PAK5: variants seen among roughly 807,000 people sequenced by gnomAD.
PAK5 encodes the protein serine/threonine-protein kinase PAK 5.
A neutral mutation model predicts 65.9 loss-of-function variants in PAK5; 16 were observed. The ratio of observed to expected loss-of-function variants is 0.24; its 90% confidence interval spans 0.16 to 0.37. The LOEUF is 0.37. Ranked by LOEUF, PAK5 falls within the 10% of genes least tolerant of loss-of-function variation. The pLI, the probability that PAK5 is intolerant of heterozygous loss-of-function variation, is 1.00. For synonymous variants in PAK5, 371 were observed against 354.9 expected (o/e 1.05, Z -0.51); for missense variants, 785 against 903.9 (o/e 0.87, Z 1.69).
At chr20:9,694,481 C>T (rs2123443183) in intron 2 of PAK5, among the ~76,000 whole-genome samples, 1 of 152,046 alleles carries the variant, frequency 6.6e-6, no homozygotes, top group South Asian at 2.1e-4. Context: ...CGACTTTTCA[C>T]AAAGGGAACA....
intron 1 of PAK5, among the ~76,000 whole-genome samples, chr20:9,787,975 G>C (rs1351229990): frequency 1.4e-5 from 1 of 73,440 alleles, no homozygotes; most frequent in East Asian, 3.9e-4. Flanking sequence ...CCATGTGTCT[G>C]TGTGTGTTGG....
chr20:9,580,024 A>C (rs373397166), intron 4 of PAK5, 121 bp downstream of exon 4: 2 of 837,148 alleles, frequency 2.4e-6, no homozygotes, highest in African/African-American at 1.7e-5. Flanking sequence ...GGGTTTTGAT[A>C]TTGATTTTCC....
At chr20:9,748,418 T>A (rs538092596) in intron 1 of PAK5, among the ~76,000 whole-genome samples, 2 of 152,080 alleles carry the variant, frequency 1.3e-5, no homozygotes, top group African/African-American at 4.8e-5. Flanking sequence ...GGAGGCATCA[T>A]GCTACCTGAC....
chr20:9,818,413 C>T (rs948396496), intron 1 of PAK5, among the ~76,000 whole-genome samples: 1 of 152,164 alleles, frequency 6.6e-6, no homozygotes, highest in Non-Finnish European at 1.5e-5. Flanking sequence ...AATCTCATTG[C>T]TCGGTCCCTC....
chr20:9,558,491 T>C (rs1344798126), intron 6 of PAK5, among the ~76,000 whole-genome samples: 3 of 152,258 alleles, frequency 2.0e-5, no homozygotes, highest in South Asian at 2.1e-4. Context: ...ACTGAATAGG[T>C]AGATGAAGGT....
intron 3 of PAK5, among the ~76,000 whole-genome samples, chr20:9,603,981 A>G (rs1463297795): frequency 6.6e-6 from 1 of 152,222 alleles, no homozygotes; most frequent in African/African-American, 2.4e-5. Context: ...TTTCAAATTT[A>G]ATCCGCTAAA....
intron 3 of PAK5, among the ~76,000 whole-genome samples, chr20:9,585,268 A>G (rs2046049169): frequency 6.6e-6 from 1 of 152,120 alleles, no homozygotes; most frequent in South Asian, 2.1e-4. Context: ...CCAGCATCTT[A>G]ATTTTGGAAA....
At chr20:9,582,728 C>T (rs936928608) in intron 3 of PAK5, among the ~76,000 whole-genome samples, 2 of 152,050 alleles carry the variant, frequency 1.3e-5, no homozygotes, top group African/African-American at 4.8e-5. Flanking sequence ...AGTTGGAATT[C>T]TTCTGCACAG....
chr20:9,751,267 C>T (rs987710783), intron 1 of PAK5, among the ~76,000 whole-genome samples: 6 of 152,058 alleles, frequency 3.9e-5, no homozygotes, highest in East Asian at 1.9e-4. Flanking sequence ...CTTTCCATCT[C>T]GGGAGAGGCT....
At chr20:9,835,892 T>C (rs1979111929) in intron 1 of PAK5, among the ~76,000 whole-genome samples, 1 of 152,182 alleles carries the variant, frequency 6.6e-6, no homozygotes. Flanking sequence ...TTGCTATTAT[T>C]GTTTTTGTTA....
intron 3 of PAK5, among the ~76,000 whole-genome samples, chr20:9,618,937 T>G (rs2046719996): frequency 1.6e-5 from 2 of 123,654 alleles, no homozygotes; most frequent in Non-Finnish European, 3.4e-5. Flanking sequence ...TTTTTTTTTT[T>G]TTTTTTTTTT....
chr20:9,761,589 C>G (rs953860839), intron 1 of PAK5, among the ~76,000 whole-genome samples: 1 of 151,954 alleles, frequency 6.6e-6, no homozygotes, highest in Non-Finnish European at 1.5e-5. Flanking sequence ...ATAGCCAAAC[C>G]GATTTTGAGC....
chr20:9,740,232 G>A (rs761579642), intron 1 of PAK5, among the ~76,000 whole-genome samples: 13 of 152,150 alleles, frequency 8.5e-5, no homozygotes, highest in African/African-American at 2.4e-4. Context: ...TCGCACAACC[G>A]AAGGATTAGA....
In PAK5 at chr20:9,692,984, T is replaced by C. The variant is rs533634673; in HGVS notation, c.-12+18302A>G. 9.8e-5 allele frequency among the ~76,000 whole-genome samples: 15 copies of C among 152,294 alleles called. No individual in the cohort carries two copies. The South Asian group carries it at 3.1e-3, about 32-fold the overall frequency. On this transcript the variant is annotated intron_variant, in intron 2 of 9. Coordinates refer to ENST00000353224, the MANE Select transcript of PAK5 (RefSeq NM_177990.4). Reference sequence around the variant, plus strand: ...AAAGAATTAAATAAAATAAAGTATATAAAGTGACTGCCACAGTAGCAATGC... The same window carrying C: ...AAAGAATTAAATAAAATAAAGTATACAAAGTGACTGCCACAGTAGCAATGC...
chr20:9,568,966 C>A (rs978415302), intron 4 of PAK5, among the ~76,000 whole-genome samples: 1 of 152,190 alleles, frequency 6.6e-6, no homozygotes, highest in Non-Finnish European at 1.5e-5. Flanking sequence ...GAGGTGGATC[C>A]TCCAGGTCCA....
chr20:9,569,602 G>T (rs2123017059), intron 4 of PAK5, among the ~76,000 whole-genome samples: 1 of 152,344 alleles, frequency 6.6e-6, no homozygotes, highest in African/African-American at 2.4e-5. Flanking sequence ...CCACTGAGAA[G>T]TGGGATGGGG....
At chr20:9,757,698 T>C (rs1302771264) in intron 1 of PAK5, among the ~76,000 whole-genome samples, 4 of 152,214 alleles carry the variant, frequency 2.6e-5, no homozygotes, top group African/African-American at 9.6e-5. Context: ...TACTGATGAA[T>C]ACACTAATGA....
intron 1 of PAK5, among the ~76,000 whole-genome samples, chr20:9,811,908 T>C (rs1410623442): frequency 6.6e-6 from 1 of 152,174 alleles, no homozygotes; most frequent in Non-Finnish European, 1.5e-5. Context: ...TTGGTGACTT[T>C]GATTAAGGTG....
chr20:9,655,400 G>A (rs781551647), intron 2 of PAK5, among the ~76,000 whole-genome samples: 1 of 151,416 alleles, frequency 6.6e-6, no homozygotes, highest in Non-Finnish European at 1.5e-5. Flanking sequence ...AGTACATTGT[G>A]TGGGACTTGC....
Sources: allele counts gnomAD v4.1 joint callset (sites outside exome capture counted in the v4.1 genomes callset), GRCh38; gene constraint gnomAD v4.1.1; transcripts MANE v1.5; gene names NCBI Gene and HGNC (gene_info 2026-07-23, HGNC 2026-07-21).